DCDC2: variants seen among roughly 807,000 people sequenced by gnomAD.
DCDC2 encodes doublecortin domain containing 2.
A neutral mutation model predicts 50.2 loss-of-function variants in DCDC2; 40 were observed. The observed-to-expected ratio is 0.80, with a 90% CI of 0.62 to 1.04. DCDC2 has a LOEUF of 1.04. Ranked by LOEUF, DCDC2 falls within the 50% of genes least tolerant of loss-of-function variation. DCDC2 has a pLI of 0.00. For missense variants in DCDC2, 570 were observed against 581.9 expected (o/e 0.98, Z 0.21); for synonymous variants, 234 against 210.6 (o/e 1.11, Z -0.96).
At chr6:24,288,517 G>A (rs896816478) in intron 6 of DCDC2, among the ~76,000 whole-genome samples, 6 of 152,112 alleles carry the variant, frequency 3.9e-5, no homozygotes, top group Non-Finnish European at 8.8e-5. Context: ...TTTAGTCTTC[G>A]TTAAAGATAG....
intron 7 of DCDC2, among the ~76,000 whole-genome samples, chr6:24,237,186 T>TAA (rs60077867): frequency 1.2e-4 from 17 of 146,994 alleles, no homozygotes; most frequent in African/African-American, 3.9e-4. Context: ...CATGAAAAGG[T>TAA]AAAAAAAAAA....
intron 8 of DCDC2, among the ~76,000 whole-genome samples, chr6:24,190,395 G>T (rs1761289638): frequency 6.6e-6 from 1 of 152,154 alleles, no homozygotes. Flanking sequence ...GGGGGAGAGG[G>T]GGAGGGATAG....
chr6:24,220,869 CAA>C (rs1491110009), intron 7 of DCDC2, among the ~76,000 whole-genome samples: 2,873 of 133,234 alleles, frequency 0.022, 67 homozygotes, highest in South Asian at 0.055. Context: ...AGACAGAGAG[CAA>C]GAGAGCGAGA....
intron 8 of DCDC2, among the ~76,000 whole-genome samples, chr6:24,202,255 C>T (rs1019463653): frequency 1.3e-5 from 2 of 152,238 alleles, no homozygotes; most frequent in South Asian, 2.1e-4. Context: ...CAAACCGAAT[C>T]CAGAAGCACA....
At chr6:24,255,698 C>A (rs1400699990) in intron 7 of DCDC2, among the ~76,000 whole-genome samples, 1 of 152,080 alleles carries the variant, frequency 6.6e-6, no homozygotes, top group Non-Finnish European at 1.5e-5. Context: ...TATTCAAATT[C>A]TCATTATTCA....
chr6:24,289,971 CTTTTTTTTTTTTTTTTTTT>C (rs3077132), intron 5 of DCDC2, among the ~76,000 whole-genome samples: 4,236 of 60,598 alleles, frequency 0.07, 404 homozygotes, highest in South Asian at 0.23. Flanking sequence ...CAGAGCTCTT[CTTTTTTTTTTTTTTTTTTT>C]TTTTTTTTTT....
chr6:24,173,430 C>G lies in DCDC2; in HGVS notation c.*1300G>C, dbSNP rs986229884. On this transcript the variant is annotated 3_prime_UTR_variant, in exon 10 of 10. Coordinates refer to ENST00000378454, the MANE Select transcript of DCDC2 (RefSeq NM_016356.5). ...TAAAATTTCAAGCTTACAACTTCCA[C>G]ATAATTAAAAATATATCCTTTAAGA... 6.6e-6 allele frequency: 1 copy of G among 152,066 alleles called. No individual in the cohort carries two copies. The highest frequency in any genetic ancestry group is 2.4e-5 in the African/African-American group (1 of 41,416). The allele number at this position is 152,066 out of a possible 1,614,324, so 9.4% of individuals were successfully genotyped here. A position where few individuals can be genotyped will look rare whatever the true frequency, so the allele number is the denominator to read the frequency against.
At chr6:24,259,260 G>A (rs771728985) in intron 7 of DCDC2, among the ~76,000 whole-genome samples, 30 of 152,168 alleles carry the variant, frequency 2.0e-4, no homozygotes, top group Non-Finnish European at 3.8e-4. Context: ...AATGTAAGAA[G>A]AAATTTGTTT....
rs953735295 is a variant in DCDC2 at position 24,178,505 on chromosome 6, G to A, written c.1151C>T (p.Ala384Val). 10 of 1,614,144 alleles carry A rather than the reference G, an allele frequency of 6.2e-6. No homozygotes were observed. The highest frequency in any genetic ancestry group is 8.5e-6 in the Non-Finnish European group (10 of 1,180,032). The stretch of plus-strand genomic sequence containing the variant: ...CAGAATCTCCTCGACTTGCTCAGGG[G>A]CATCTGTAGCCTCCCTACCTCCTTC... ...EEEGGREATD[A>V]PEQVEEILDH... Residue 384 changes from alanine to valine, a missense_variant, in exon 9 of 10, where the codon GCC becomes GTC. Physicochemically the swap from Ala to Val is moderately conservative, Grantham distance 64. Transcript: ENST00000378454.
intron 7 of DCDC2, among the ~76,000 whole-genome samples, chr6:24,206,116 C>T (rs554797215): frequency 6.6e-6 from 1 of 152,216 alleles, no homozygotes; most frequent in South Asian, 2.1e-4. Flanking sequence ...TTTCGTATTG[C>T]TAAAGCTATG....
chr6:24,296,619 G>GA (rs950594643), intron 4 of DCDC2, among the ~76,000 whole-genome samples: 2 of 151,036 alleles, frequency 1.3e-5, no homozygotes, highest in Non-Finnish European at 3.0e-5. Context: ...AAACTTACAA[G>GA]AAAAAAAACA....
intron 2 of DCDC2, among the ~76,000 whole-genome samples, chr6:24,348,488 A>G (rs1581664721): frequency 6.6e-6 from 1 of 152,170 alleles, no homozygotes; most frequent in Non-Finnish European, 1.5e-5. Context: ...TTAATTTTAT[A>G]GTTGGCTTTA....
chr6:24,234,079 AC>A (rs66711111), intron 7 of DCDC2, among the ~76,000 whole-genome samples: 21,479 of 152,170 alleles, frequency 0.14, 1,797 homozygotes, highest in African/African-American at 0.23. Context: ...AATAAGCCAG[AC>A]TTGTAAGGAA....
chr6:24,278,433 T>C (rs571850462), intron 6 of DCDC2, among the ~76,000 whole-genome samples: 67 of 152,218 alleles, frequency 4.4e-4, no homozygotes, highest in African/African-American at 1.6e-3. Context: ...CTAACAATCA[T>C]TGGGTTCTTA....
intron 7 of DCDC2, among the ~76,000 whole-genome samples, chr6:24,251,424 T>G (rs1414654005): frequency 6.6e-6 from 1 of 152,200 alleles, no homozygotes; most frequent in Admixed American, 6.5e-5. Flanking sequence ...CAATGTTAGG[T>G]TACCTTGGCT....
the DCDC2 span, among the ~76,000 whole-genome samples, chr6:24,375,406 G>A: frequency 5.0e-4 from 61 of 121,748 alleles, no homozygotes; most frequent in African/African-American, 1.6e-3. Context: ...ATCATGGTGG[G>A]TTCTGTGTAA....
chr6:24,246,930 T>G (rs1418714172), intron 7 of DCDC2, among the ~76,000 whole-genome samples: 2 of 152,202 alleles, frequency 1.3e-5, no homozygotes, highest in Admixed American at 6.5e-5. Flanking sequence ...GAAGAACTGT[T>G]GTGAAATGAG....
chr6:24,265,496 T>G (rs1200091582), intron 7 of DCDC2, among the ~76,000 whole-genome samples: 2 of 152,056 alleles, frequency 1.3e-5, no homozygotes, highest in African/African-American at 2.4e-5. Flanking sequence ...TTCTCAAGGA[T>G]AGATCATATG....
chr6:24,215,527 C>T (rs555500818), intron 7 of DCDC2, among the ~76,000 whole-genome samples: 2 of 152,200 alleles, frequency 1.3e-5, no homozygotes, highest in East Asian at 3.9e-4. Flanking sequence ...TCACCCACAG[C>T]CACCTAGGAC....
Sources: allele counts gnomAD v4.1 joint callset (sites outside exome capture counted in the v4.1 genomes callset), GRCh38; gene constraint gnomAD v4.1.1; transcripts MANE v1.5; gene names NCBI Gene and HGNC (gene_info 2026-07-23, HGNC 2026-07-21).